Variants in TENM4 observed in about 807,000 individuals in gnomAD.
TENM4 encodes teneurin transmembrane protein 4, also known as teneurin-4.
In TENM4, 82 loss-of-function variants were observed where a neutral mutation model predicts 243.3. The observed-to-expected ratio is 0.34, with a 90% CI of 0.28 to 0.40. TENM4 has a LOEUF of 0.40. Among genes scored for constraint, TENM4 ranks in the 10% least tolerant of loss-of-function variants. The pLI is 1.00. For missense variants in TENM4, 3,138 were observed against 3,673.3 expected (o/e 0.85, Z 3.77); for synonymous variants, 1,412 against 1,456.3 (o/e 0.97, Z 0.69).
At chr11:79,114,998 C>T (rs1861589363) in intron 4 of TENM4, among the ~76,000 whole-genome samples, 1 of 152,164 alleles carries the variant, frequency 6.6e-6, no homozygotes, top group Non-Finnish European at 1.5e-5. Context: ...CAGATCAAGT[C>T]TGTCCCTGCT....
chr11:79,001,739 A>G (rs999925835), intron 6 of TENM4, among the ~76,000 whole-genome samples: 1 of 152,080 alleles, frequency 6.6e-6, no homozygotes, highest in Non-Finnish European at 1.5e-5. Flanking sequence ...GCCCCCCTGT[A>G]TGTTGGCCTC....
chr11:79,081,207 C>T (rs1355925311), intron 4 of TENM4, among the ~76,000 whole-genome samples: 2 of 152,230 alleles, frequency 1.3e-5, no homozygotes, highest in Admixed American at 6.5e-5. Context: ...CTCAGCCAGA[C>T]GCTGGGCCTG....
chr11:79,033,724 G>C (rs1342174801), intron 6 of TENM4, among the ~76,000 whole-genome samples: 1 of 152,196 alleles, frequency 6.6e-6, no homozygotes, highest in Non-Finnish European at 1.5e-5. Context: ...AGTAAAAGTA[G>C]CTGGTTTTGC....
intron 28 of TENM4, among the ~76,000 whole-genome samples, chr11:78,695,656 C>A (rs138118080): frequency 6.6e-6 from 1 of 151,402 alleles, no homozygotes; most frequent in Admixed American, 6.5e-5. Flanking sequence ...AGCCACTGCA[C>A]CTGGCTGTGG....
At chr11:79,199,539 A>G (rs1334659222) in intron 3 of TENM4, among the ~76,000 whole-genome samples, 1 of 152,184 alleles carries the variant, frequency 6.6e-6, no homozygotes, top group Non-Finnish European at 1.5e-5. Flanking sequence ...TGCTGAGTAG[A>G]GGATATGGGA....
At chr11:78,847,161 A>G (rs1217431012) in intron 12 of TENM4, among the ~76,000 whole-genome samples, 1 of 152,258 alleles carries the variant, frequency 6.6e-6, no homozygotes, top group Non-Finnish European at 1.5e-5. Context: ...AGTGTGCACC[A>G]GAACATCAAA....
intron 6 of TENM4, among the ~76,000 whole-genome samples, chr11:78,923,851 T>TC (rs1249229878): frequency 2.7e-5 from 4 of 150,346 alleles, no homozygotes; most frequent in Admixed American, 6.6e-5. Context: ...TTCTTTTTTT[T>TC]TTTTCTTTTC....
intron 6 of TENM4, among the ~76,000 whole-genome samples, chr11:78,979,209 C>T (rs1857735256): frequency 6.6e-6 from 1 of 152,114 alleles, no homozygotes; most frequent in African/African-American, 2.4e-5. Context: ...TCTGGGGTGT[C>T]CTGCCACTGA....
chr11:79,197,355 A>ATTT (rs1565245686), intron 3 of TENM4, among the ~76,000 whole-genome samples: 7,711 of 145,190 alleles, frequency 0.053, 566 homozygotes, highest in African/African-American at 0.17. Context: ...TTTTTTTTTA[A>ATTT]AAAGCCCCTG....
intron 7 of TENM4, among the ~76,000 whole-genome samples, chr11:78,895,215 A>T (rs1855764291): frequency 6.6e-6 from 1 of 151,854 alleles, no homozygotes; most frequent in Non-Finnish European, 1.5e-5. Context: ...GGGTGCCTGT[A>T]ACCCCAGCTA....
intron 19 of TENM4, chr11:78,749,432 A>G (rs999755009): frequency 6.6e-6 from 1 of 151,154 alleles, no homozygotes; most frequent in African/African-American, 2.4e-5. Flanking sequence ...GTATAATTCA[A>G]TAATAAATTT....
intron 9 of TENM4, among the ~76,000 whole-genome samples, chr11:78,877,050 C>G (rs1373878129): frequency 1.3e-5 from 2 of 152,170 alleles, no homozygotes; most frequent in Non-Finnish European, 2.9e-5. Flanking sequence ...AACCAACATA[C>G]AGAGAGGTTT....
At chr11:78,692,977 T>C (rs7105604) in intron 28 of TENM4, among the ~76,000 whole-genome samples, 10,239 of 152,192 alleles carry the variant, frequency 0.067, 844 homozygotes, top group African/African-American at 0.2. Context: ...TACTTATTAT[T>C]TATTTGTTCT....
rs142149622 is a variant in TENM4 at position 79,250,936 on chromosome 11, G to A, written c.-264-35027C>T. ...CTAGTGGTGCTTCAAGAAGCTATAA[G>A]TGTTGAACTTCTGTTTCTGGCAACA... On this transcript the variant is annotated intron_variant, in intron 2 of 33. Coordinates refer to ENST00000278550, the MANE Select transcript of TENM4 (RefSeq NM_001098816.3). Among the ~76,000 whole-genome samples the A allele has an allele frequency of 2.9e-4, 44 of 152,316 alleles. No individual in the cohort carries two copies. In the East Asian group the frequency reaches 8.1e-3, roughly 28 times the overall value.
rs573380495 is a variant in TENM4, at chr11:79,199,287, T to A, written c.-163+16521A>T. Among the ~76,000 whole-genome samples, 201 of 152,324 alleles carry A rather than the reference T, an allele frequency of 1.3e-3. 1 individual carries two copies. The highest frequency in any genetic ancestry group is 4.7e-3 in the African/African-American group (196 of 41,580). ...TGTGAAGATTAAATTTGCTAATTCA[T>A]GTAAACCATGTAAAAGAGTGGCTGG... is the stretch of plus-strand genomic sequence containing the variant. On this transcript the variant is annotated intron_variant, in intron 3 of 33. Transcript: ENST00000278550.
intron 6 of TENM4, among the ~76,000 whole-genome samples, chr11:78,990,063 T>TAAAAAAAAAAAAAAA (rs780530657): frequency 7.2e-6 from 1 of 139,006 alleles, no homozygotes; most frequent in African/African-American, 2.7e-5. Context: ...AGGCTTTGTT[T>TAAAAAAAAAAAAAAA]AAAAAAAAAA....
At chr11:79,200,999 A>G (rs1409675636) in intron 3 of TENM4, among the ~76,000 whole-genome samples, 2 of 152,224 alleles carry the variant, frequency 1.3e-5, no homozygotes, top group African/African-American at 2.4e-5. Context: ...GCTTTCTGAC[A>G]TTATTGAAAA....
intron 19 of TENM4, among the ~76,000 whole-genome samples, chr11:78,751,637 C>T (rs192261217): frequency 5.3e-5 from 8 of 152,276 alleles, no homozygotes; most frequent in African/African-American, 9.6e-5. Flanking sequence ...TGTCCAGCAT[C>T]GGCAACCTGT....
At chr11:79,311,717 G>T (rs765273566) in intron 1 of TENM4, among the ~76,000 whole-genome samples, 1 of 151,960 alleles carries the variant, frequency 6.6e-6, no homozygotes, top group South Asian at 2.1e-4. Context: ...CACCACACAC[G>T]TCTGCTCACC....
Sources: gnomAD v4.1 joint callset for allele counts (sites outside exome capture counted in the v4.1 genomes callset) on GRCh38, gnomAD v4.1.1 for gene constraint, MANE v1.5 for transcripts, NCBI Gene and HGNC (gene_info 2026-07-23, HGNC 2026-07-21) for gene names.